FOXK2: variants seen among roughly 807,000 people sequenced by gnomAD.
FOXK2 encodes forkhead box K2.
In FOXK2, 24 loss-of-function variants were observed where a neutral mutation model predicts 53.3. The ratio of observed to expected loss-of-function variants is 0.45; its 90% CI spans 0.33 to 0.63. FOXK2 has a LOEUF of 0.63. Ranked by LOEUF, FOXK2 falls within the 30% of genes least tolerant of loss-of-function variation. The probability of loss-of-function intolerance (pLI) is 0.03; values close to 1 mark genes in which losing one functional copy is unlikely to be tolerated. For synonymous variants in FOXK2, 505 were observed against 407.1 expected, an observed-to-expected ratio of 1.24 and a Z score of -2.89; for missense variants, 952 against 910.5, an observed-to-expected ratio of 1.05 and a Z score of -0.59.
rs184010317 is a variant in FOXK2 at position 82,604,328 on chromosome 17, G to A, written c.*2829G>A. On this transcript the variant is annotated 3_prime_UTR_variant, in exon 9 of 9. Coordinates refer to ENST00000335255, the MANE Select transcript of FOXK2 (RefSeq NM_004514.4). The stretch of plus-strand genomic sequence containing the variant: ...CTCCTCTCACTTTAGTAGAGTACGC[G>A]GTGGACAGCTGATCTCCTTCAGTCG... 3.3e-5 allele frequency: 5 copies of A among 152,570 alleles called. No individual in the cohort carries two copies. The highest frequency in any genetic ancestry group is 2.1e-4 in the South Asian group (1 of 4,826). The allele number at this position is 152,570 out of a possible 1,614,324, so 9.5% of individuals were successfully genotyped here.
In FOXK2 at chr17:82,582,817, G is replaced by T; in HGVS notation, c.986G>T (p.Gly329Val). ...CGTTCCCAGGAAGAACCAGGCAAAG[G>T]CTCGTTCTGGAGGATAGACCCAGCC... is the stretch of plus-strand genomic sequence containing the variant. ...VPRSQEEPGK[G>V]SFWRIDPASE... is the part of the protein sequence containing the mutation. The change falls in exon 5 of 9, where the codon GGC becomes GTC. Residue 329 changes from glycine (G) to valine (V), a missense_variant. This residue lies in a region of FOXK2 where 160 missense variants were observed against 214.2 expected (regional missense o/e 0.75). Transcript: ENST00000335255. 1.2e-6 allele frequency: 2 copies of T among 1,612,922 alleles called. No individual in the cohort carries two copies. The highest frequency in any genetic ancestry group is 1.7e-6 in the Non-Finnish European group (2 of 1,179,708).
intron 1 of FOXK2, among the ~76,000 whole-genome samples, chr17:82,557,019 TTTATTA>T (rs976035389): frequency 1.4e-5 from 2 of 143,182 alleles, no homozygotes; most frequent in African/African-American, 5.2e-5. Context: ...TTATTTTTAT[TTTATTA>T]TTATTATTTT....
rs11558342 is a variant in FOXK2, at chr17:82,586,142, C to T, written c.1518C>T (p.Ala506=). Residue 506 remains alanine, a synonymous_variant, in exon 7 of 9, where the codon GCC becomes GCT. Coordinates refer to ENST00000335255, the MANE Select transcript of FOXK2 (RefSeq NM_004514.4). ...VSGQAVVTPA[A]VLAPPKAEAQ... ...GACAAGCTGTGGTCACCCCGGCAGC[C>T]GTGCTGGCCCCTCCTAAGGCAGAGG... 3,146 of 1,612,330 alleles carry T rather than the reference C, an allele frequency of 2.0e-3. 10 individuals carry two copies. The Middle Eastern group carries it at 0.026, about 13-fold the overall frequency.
chr17:82,560,238 G>C (rs1354903275), intron 1 of FOXK2, among the ~76,000 whole-genome samples: 1 of 151,946 alleles, frequency 6.6e-6, no homozygotes, highest in Non-Finnish European at 1.5e-5. Flanking sequence ...TCGATCTCCT[G>C]ACCTCATGAT....
intron 8 of FOXK2, chr17:82,595,856 CCAGA>C (rs1378100835): frequency 3.1e-6 from 4 of 1,289,064 alleles, no homozygotes; most frequent in Non-Finnish European, 4.0e-6. Context: ...CAGGCCCCAT[CCAGA>C]CAGACCAGCA....
chr17:82,577,066 G>A (rs2044996157), intron 4 of FOXK2: 3 of 442,100 alleles, frequency 6.8e-6, no homozygotes, highest in Non-Finnish European at 8.3e-6. Context: ...GGAGGCTGAA[G>A]CAGGAGAATT....
intron 8 of FOXK2, chr17:82,588,452 T>TTGGAGGGCTGGCTATTGGAGGGCA (rs2045218712): frequency 9.7e-6 from 1 of 102,674 alleles, no homozygotes; most frequent in Non-Finnish European, 2.1e-5. Context: ...GTTGGAGGGC[T>TTGGAGGGCTGGCTATTGGAGGGCA]GGCGGTTGGA....
chr17:82,594,213 G>A (rs2045285343), intron 8 of FOXK2, among the ~76,000 whole-genome samples: 2 of 152,112 alleles, frequency 1.3e-5, no homozygotes. Context: ...AAATGCTCTA[G>A]ACAGGCCGGG....
intron 1 of FOXK2, among the ~76,000 whole-genome samples, chr17:82,554,133 C>T (rs1210308625): frequency 6.6e-6 from 1 of 152,110 alleles, no homozygotes; most frequent in Non-Finnish European, 1.5e-5. Flanking sequence ...GACGTGGCCT[C>T]AAGTACTTTT....
Position 82,604,226 on chromosome 17 carries a change from A to G in FOXK2, c.*2727A>G, listed in dbSNP as rs1349791821. 1.3e-5 allele frequency: 2 copies of G among 152,112 alleles called. No homozygotes were observed. The highest frequency in any genetic ancestry group is 4.8e-5 in the African/African-American group (2 of 41,396). The allele number at this position is 152,112 out of a possible 1,614,324, so 9.4% of individuals were successfully genotyped here. The stretch of plus-strand genomic sequence containing the variant: ...GTAGCTTTGCCCTGAACCAAACGAG[A>G]AAACAAAAGGGAACTCCCGTATGAC... On this transcript the variant is annotated 3_prime_UTR_variant, in exon 9 of 9. Transcript: ENST00000335255.
chr17:82,599,554 T>C (rs1234742527), intron 8 of FOXK2: 2 of 152,272 alleles, frequency 1.3e-5, no homozygotes, highest in Non-Finnish European at 2.9e-5. Flanking sequence ...CTCAGGGCTA[T>C]GTCCTGAATT....
rs1381193769 is a variant in FOXK2 at position 82,601,463 on chromosome 17, AC to A, written c.1949del (p.Pro650ArgfsTer4). 2.5e-6 allele frequency: 4 copies of A among 1,611,456 alleles called. No homozygotes were observed. Among genetic ancestry groups the A allele is most frequent in the Non-Finnish European group, 3.4e-6 (4 of 1,179,242 alleles). ...TCATTGCCCTGAGCGTGGACACGCC[AC>A]CGGCAGCCGTAAGGGAAAAGGGTGT... ...IVIALSVDTP[P>X]AAVREKGVQN On this transcript the variant is annotated frameshift_variant, in exon 9 of 9. Transcript: ENST00000335255. LOFTEE classifies it high-confidence loss of function.
intron 8 of FOXK2, among the ~76,000 whole-genome samples, chr17:82,597,774 C>T (rs997606723): frequency 5.3e-5 from 8 of 152,268 alleles, no homozygotes; most frequent in Middle Eastern, 6.8e-3. Flanking sequence ...CCTCAGCCTC[C>T]TGAGTAACTG....
intron 6 of FOXK2, among the ~76,000 whole-genome samples, chr17:82,585,592 G>A (rs902160888): frequency 3.9e-5 from 6 of 152,116 alleles, no homozygotes; most frequent in Non-Finnish European, 8.8e-5. Context: ...GAGCCACTGC[G>A]CCCGGCCCAG....
rs755846055 is a variant in FOXK2 at position 82,520,188 on chromosome 17, C to T, written c.300C>T (p.Pro100=). Residue 100 remains proline (P), a synonymous_variant, in exon 1 of 9, where the codon CCC becomes CCT. Transcript: ENST00000335255. ...GHGGAAPELP[P]AQPRPDAGGD... ...GCGGGGCCGCTCCGGAGCTGCCGCC[C>T]GCGCAGCCCAGGCCCGACGCCGGCG... 12 of 1,427,900 alleles carry T rather than the reference C, an allele frequency of 8.4e-6. No homozygotes were observed. The highest frequency in any genetic ancestry group is 4.5e-5 in the African/African-American group (3 of 66,984). The allele number at this position is 1,427,900 out of a possible 1,614,324, so 88.5% of individuals were successfully genotyped here. A position where few individuals can be genotyped will look rare whatever the true frequency, so the allele number is the denominator to read the frequency against.
chr17:82,597,839 G>C (rs913820300), intron 8 of FOXK2, among the ~76,000 whole-genome samples: 1 of 152,080 alleles, frequency 6.6e-6, no homozygotes, highest in Non-Finnish European at 1.5e-5. Flanking sequence ...TAGTAGAGAC[G>C]GGGTTGCACC....
chr17:82,594,708 G>A (rs555504019), intron 8 of FOXK2, among the ~76,000 whole-genome samples: 4 of 152,276 alleles, frequency 2.6e-5, no homozygotes, highest in African/African-American at 4.8e-5. Context: ...AGCGGAGCCC[G>A]TCTCTGTAGA....
Position 82,582,860 on chromosome 17 carries a change from A to G in FOXK2, c.1029A>G (p.Ile343Met). ...RIDPASESKL[I>M]EQAFRKRRPR... The stretch of plus-strand genomic sequence containing the variant: ...ACCCAGCCTCTGAAAGCAAATTAAT[A>G]GAACAGGCTTTTAGGAAACGACGGC... Residue 343 changes from isoleucine to methionine, a missense_variant, in exon 5 of 9, where the codon ATA becomes ATG. Coordinates refer to ENST00000335255, the MANE Select transcript of FOXK2 (RefSeq NM_004514.4). 1.2e-6 allele frequency: 2 copies of G among 1,613,614 alleles called. No individual in the cohort carries two copies. Among genetic ancestry groups the G allele is most frequent in the Non-Finnish European group, 1.7e-6 (2 of 1,179,942 alleles).
intron 3 of FOXK2, among the ~76,000 whole-genome samples, chr17:82,568,777 A>T (rs1482644999): frequency 2.0e-5 from 3 of 152,192 alleles, no homozygotes; most frequent in Non-Finnish European, 4.4e-5. Context: ...TGGGAGGCCA[A>T]GGCGGGGGGA....
Sources: allele counts gnomAD v4.1 joint callset (sites outside exome capture counted in the v4.1 genomes callset), GRCh38; gene constraint gnomAD v4.1.1; regional missense constraint gnomAD v4.1.1; transcripts MANE v1.5; gene names NCBI Gene and HGNC (gene_info 2026-07-23, HGNC 2026-07-21).